The following IPO11 variants were observed in gnomAD, a reference collection of about 807,000 sequenced individuals.
The protein encoded by IPO11 is importin 11.
A neutral mutation model predicts 143.2 loss-of-function variants in IPO11; 66 were observed. The ratio of observed to expected loss-of-function variants is 0.46; its 90% confidence interval spans 0.38 to 0.57. The LOEUF is 0.57. IPO11 is among the 20% of genes least tolerant of loss of function. The pLI, the probability that IPO11 is intolerant of heterozygous loss-of-function variation, is 0.00. For synonymous variants in IPO11, 385 were observed against 377.8 expected (o/e 1.02, Z -0.22); for missense variants, 1,026 against 1,141.0 (o/e 0.90, Z 1.45).
chr5:62,419,424 A>G (rs1743421048), intron 1 of IPO11, among the ~76,000 whole-genome samples: 1 of 152,232 alleles, frequency 6.6e-6, no homozygotes, highest in East Asian at 1.9e-4. Flanking sequence ...ACTTAGCTTA[A>G]AACACAAATA....
intron 29 of IPO11, among the ~76,000 whole-genome samples, chr5:62,614,086 T>C (rs1354917394): frequency 6.6e-6 from 1 of 152,262 alleles, no homozygotes; most frequent in East Asian, 1.9e-4. Context: ...GAACATCATA[T>C]TAATCATCTG....
At chr5:62,552,035 A>G (rs899169157) in intron 26 of IPO11, among the ~76,000 whole-genome samples, 1 of 152,114 alleles carries the variant, frequency 6.6e-6, no homozygotes, top group Non-Finnish European at 1.5e-5. Context: ...GAGGCAGGAG[A>G]ATGGCGTGAA....
At chr5:62,471,666 T>G (rs1446364814) in intron 7 of IPO11, among the ~76,000 whole-genome samples, 1 of 152,212 alleles carries the variant, frequency 6.6e-6, no homozygotes, top group African/African-American at 2.4e-5. Flanking sequence ...ATTACATATA[T>G]TTTTCCATTG....
At chr5:62,557,636 C>T (rs2112359990) in intron 26 of IPO11, among the ~76,000 whole-genome samples, 1 of 152,322 alleles carries the variant, frequency 6.6e-6, no homozygotes, top group East Asian at 1.9e-4. Context: ...CCAGATCTTA[C>T]AATGCCTATT....
intron 16 of IPO11, among the ~76,000 whole-genome samples, chr5:62,494,596 C>T (rs1048716452): frequency 1.3e-5 from 2 of 151,900 alleles, no homozygotes; most frequent in African/African-American, 4.8e-5. Flanking sequence ...TTACTGAGAA[C>T]TTGATAGTAA....
intron 14 of IPO11, 34 bp from the exon 15 acceptor site, chr5:62,490,081 A>G: frequency 2.2e-6 from 3 of 1,350,710 alleles, no homozygotes; most frequent in Non-Finnish European, 3.0e-6. Context: ...GATATCTGAA[A>G]CCTTTAATTT....
intron 5 of IPO11, among the ~76,000 whole-genome samples, chr5:62,458,526 T>C (rs1580202680): frequency 6.6e-6 from 1 of 152,258 alleles, no homozygotes; most frequent in African/African-American, 2.4e-5. Flanking sequence ...GTCTCAAACT[T>C]CTGACCTCAA....
chr5:62,599,868 C>T (rs1315000810), intron 28 of IPO11, among the ~76,000 whole-genome samples: 1 of 152,208 alleles, frequency 6.6e-6, no homozygotes, highest in African/African-American at 2.4e-5. Context: ...TATCTTTAAT[C>T]TTTATCAACA....
At position 62,449,936 on chromosome 5, in the gene IPO11, A is replaced by C; in HGVS notation, c.249A>C (p.Ser83=). ...YWRRVAPHAL[S]EEEKTTLRAG... Reference sequence around the variant, plus strand: ...TTTTTTTTTTTTACAGTGCTCTCTCAGAGGAGGAGAAAACTACTCTGCGTG... The same window carrying C: ...TTTTTTTTTTTTACAGTGCTCTCTCCGAGGAGGAGAAAACTACTCTGCGTG... Residue 83 remains serine (S), a synonymous_variant, in exon 4 of 30, where the codon TCA becomes TCC. Coordinates refer to ENST00000325324, the MANE Select transcript of IPO11 (RefSeq NM_016338.5). 6.3e-7 allele frequency: 1 copy of C among 1,577,928 alleles called. No individual in the cohort carries two copies. The highest frequency in any genetic ancestry group is 1.8e-5 in the Admixed American group (1 of 54,338).
chr5:62,544,509 A>T (rs575044060), intron 24 of IPO11, among the ~76,000 whole-genome samples: 1 of 152,306 alleles, frequency 6.6e-6, no homozygotes, highest in South Asian at 2.1e-4. Flanking sequence ...GAATGGGCAA[A>T]AACTGGAAGC....
intron 1 of IPO11, among the ~76,000 whole-genome samples, chr5:62,413,775 G>C (rs1400535092): frequency 6.6e-6 from 1 of 152,102 alleles, no homozygotes; most frequent in African/African-American, 2.4e-5. Flanking sequence ...TCCCCCTCCT[G>C]GGATAGGAAT....
intron 1 of IPO11, among the ~76,000 whole-genome samples, chr5:62,435,164 A>ATG (rs1561309033): frequency 3.0e-5 from 3 of 98,442 alleles, no homozygotes; most frequent in Non-Finnish European, 4.2e-5. Context: ...ATATATATGT[A>ATG]TATATATGTA....
intron 24 of IPO11, among the ~76,000 whole-genome samples, chr5:62,537,990 T>A (rs996977820): frequency 2.0e-5 from 3 of 152,162 alleles, no homozygotes; most frequent in African/African-American, 7.2e-5. Context: ...ACCTGCACGT[T>A]GTGCACATGT....
intron 21 of IPO11, 67 bp downstream of exon 21, chr5:62,526,324 A>G (rs1742368901): frequency 8.9e-6 from 10 of 1,118,338 alleles, no homozygotes; most frequent in Admixed American, 5.4e-5. Flanking sequence ...TCATGCCAGT[A>G]AAGTTAAGGT....
intron 5 of IPO11, among the ~76,000 whole-genome samples, chr5:62,464,404 G>T (rs934455793): frequency 6.6e-6 from 1 of 151,808 alleles, no homozygotes; most frequent in Non-Finnish European, 1.5e-5. Flanking sequence ...CTCCCAAAGT[G>T]CTGGGATTAC....
At chr5:62,586,768 A>AAATATATATATATAT (rs1554057003) in intron 27 of IPO11, among the ~76,000 whole-genome samples, 1 of 28,918 alleles carries the variant, frequency 3.5e-5, no homozygotes, top group African/African-American at 1.3e-4. Context: ...AAAAAAAAAA[A>AAATATATATATATAT]ATATATATAT....
At chr5:62,433,365 T>C (rs1031218752) in intron 1 of IPO11, among the ~76,000 whole-genome samples, 4 of 152,226 alleles carry the variant, frequency 2.6e-5, no homozygotes, top group Admixed American at 2.0e-4. Context: ...TTTGTTTACT[T>C]GTTTCTTTTA....
intron 27 of IPO11, chr5:62,581,194 A>C (rs1277506043): frequency 6.4e-7 from 1 of 1,551,076 alleles, no homozygotes; most frequent in Non-Finnish European, 8.7e-7. Context: ...CTCAATTTGT[A>C]ACACTTCCCC....
chr5:62,485,870 T>A (rs1228993609), intron 12 of IPO11, among the ~76,000 whole-genome samples: 7 of 149,008 alleles, frequency 4.7e-5, no homozygotes, highest in South Asian at 4.2e-4. Flanking sequence ...AAAAAAAAAA[T>A]TAAAGATTCC....
Sources: allele counts gnomAD v4.1 joint callset (sites outside exome capture counted in the v4.1 genomes callset), GRCh38; gene constraint gnomAD v4.1.1; transcripts MANE v1.5; gene names NCBI Gene and HGNC (gene_info 2026-07-23, HGNC 2026-07-21).